Variants in SSBP2 observed in about 807,000 individuals in gnomAD.
The protein encoded by SSBP2 is single stranded DNA binding protein 2.
In SSBP2, 17 loss-of-function variants were observed where a neutral mutation model predicts 61.8. That is an observed-to-expected ratio of 0.28 (90% CI 0.19 to 0.41). SSBP2 has a LOEUF of 0.41. SSBP2 is among the 10% of genes least tolerant of loss of function. SSBP2 has a pLI of 1.00. For missense variants in SSBP2, 310 were observed against 458.7 expected (o/e 0.68, Z 2.96); for synonymous variants, 139 against 141.3 (o/e 0.98, Z 0.12).
At chr5:81,662,557 C>A (rs1750782616) in intron 1 of SSBP2, among the ~76,000 whole-genome samples, 1 of 151,594 alleles carries the variant, frequency 6.6e-6, no homozygotes, top group South Asian at 2.1e-4. Context: ...TAATCCCAAC[C>A]CTTTGGGAGG....
At chr5:81,500,362 C>T (rs1268757167) in intron 5 of SSBP2, among the ~76,000 whole-genome samples, 2 of 151,570 alleles carry the variant, frequency 1.3e-5, no homozygotes, top group African/African-American at 4.9e-5. Context: ...TACAGGCACC[C>T]ACCATCACGC....
At chr5:81,641,641 A>G (rs1326804514) in intron 2 of SSBP2, among the ~76,000 whole-genome samples, 25 of 152,250 alleles carry the variant, frequency 1.6e-4, no homozygotes, top group Admixed American at 1.4e-3. Context: ...AAAGCATAAA[A>G]TGGTGCTCAA....
intron 4 of SSBP2, among the ~76,000 whole-genome samples, chr5:81,540,075 TC>T (rs1352982856): frequency 6.6e-6 from 1 of 152,166 alleles, no homozygotes; most frequent in Non-Finnish European, 1.5e-5. Flanking sequence ...CATGAACTCA[TC>T]CTTTTTTATG....
chr5:81,442,281 T>C (rs895990828), intron 13 of SSBP2, among the ~76,000 whole-genome samples: 1 of 152,038 alleles, frequency 6.6e-6, no homozygotes, highest in African/African-American at 2.4e-5. Flanking sequence ...TATTTTCAAG[T>C]TTATCAGGAC....
chr5:81,520,670 T>C (rs1224296453), intron 4 of SSBP2, among the ~76,000 whole-genome samples: 1 of 152,136 alleles, frequency 6.6e-6, no homozygotes, highest in Non-Finnish European at 1.5e-5. Flanking sequence ...ATGATTGTTA[T>C]AATTTCCCAT....
At chr5:81,580,608 T>C (rs1023625159) in intron 4 of SSBP2, among the ~76,000 whole-genome samples, 6 of 152,176 alleles carry the variant, frequency 3.9e-5, no homozygotes, top group African/African-American at 1.4e-4. Context: ...AGATCATTTC[T>C]GTATGAAAGA....
intron 9 of SSBP2, among the ~76,000 whole-genome samples, chr5:81,466,468 T>G (rs76269705): frequency 0.038 from 5,797 of 152,140 alleles, 206 homozygotes; most frequent in African/African-American, 0.097. Context: ...GAGAGAATTC[T>G]TCCTGTGTTG....
intron 4 of SSBP2, among the ~76,000 whole-genome samples, chr5:81,577,586 T>C (rs185375548): frequency 2.2e-4 from 34 of 152,170 alleles, no homozygotes; most frequent in African/African-American, 5.8e-4. Context: ...GAATGTAGGA[T>C]ATATAGTAAA....
chr5:81,500,270 G>C lies in SSBP2; in HGVS notation c.373-10961C>G, dbSNP rs190221094. 5.0e-3 allele frequency among the ~76,000 whole-genome samples: 764 copies of C among 152,062 alleles called. 7 individuals carry two copies. Among genetic ancestry groups the C allele is most frequent in the African/African-American group, 0.017 (710 of 41,472 alleles). Reference sequence around the variant, plus strand: ...GCTTTGTTGCCCAGGCTGGAGTACAGTGGCGCTATCTCGCCTCACTACAAC... The same window carrying C: ...GCTTTGTTGCCCAGGCTGGAGTACACTGGCGCTATCTCGCCTCACTACAAC... On this transcript the variant is annotated intron_variant, in intron 5 of 16. Coordinates refer to ENST00000320672, the MANE Select transcript of SSBP2 (RefSeq NM_012446.5).
intron 1 of SSBP2, among the ~76,000 whole-genome samples, chr5:81,729,167 A>T (rs908582920): frequency 2.0e-5 from 3 of 152,196 alleles, no homozygotes; most frequent in Non-Finnish European, 4.4e-5. Flanking sequence ...TGGGTTAAAA[A>T]ATAAATATGC....
At position 81,751,049 on chromosome 5, in the gene SSBP2, GC is replaced by G; in HGVS notation, c.-8del. The G allele has an allele frequency of 6.3e-7, 1 of 1,588,704 alleles. No individual in the cohort carries two copies. The highest frequency in any genetic ancestry group is 8.6e-7 in the Non-Finnish European group (1 of 1,167,610). On this transcript the variant is annotated 5_prime_UTR_variant, in exon 1 of 17. Transcript: ENST00000320672. ...TCTTGCCTTTGCCGTACATGCTTGT[GC>G]CGAGAGCAGCTCCCACTGTCACGCA...
At chr5:81,543,750 T>C (rs1014255555) in intron 4 of SSBP2, among the ~76,000 whole-genome samples, 1 of 152,112 alleles carries the variant, frequency 6.6e-6, no homozygotes, top group African/African-American at 2.4e-5. Flanking sequence ...ATAGTAGGCA[T>C]TCAATAATTA....
intron 4 of SSBP2, among the ~76,000 whole-genome samples, chr5:81,537,201 T>TG (rs1250520601): frequency 6.6e-6 from 1 of 152,056 alleles, no homozygotes; most frequent in Non-Finnish European, 1.5e-5. Context: ...TCCAAATTTT[T>TG]GGGGGGGATT....
intron 11 of SSBP2, 134 bp downstream of exon 11, chr5:81,448,656 C>T: frequency 2.5e-6 from 2 of 810,248 alleles, no homozygotes; most frequent in Non-Finnish European, 4.1e-6. Context: ...CTGAGGTTGG[C>T]AGATGAAACA....
chr5:81,517,238 A>G (rs1289829657), intron 4 of SSBP2, among the ~76,000 whole-genome samples: 1 of 152,052 alleles, frequency 6.6e-6, no homozygotes, highest in Non-Finnish European at 1.5e-5. Context: ...TGCAGATATA[A>G]CAATATTATC....
At chr5:81,541,111 T>A (rs1771232895) in intron 4 of SSBP2, among the ~76,000 whole-genome samples, 1 of 152,152 alleles carries the variant, frequency 6.6e-6, no homozygotes, top group South Asian at 2.1e-4. Flanking sequence ...GCAGCATTTC[T>A]ATATACTAAT....
chr5:81,438,328 G>A (rs1762800784), intron 14 of SSBP2, among the ~76,000 whole-genome samples: 1 of 147,670 alleles, frequency 6.8e-6, no homozygotes, highest in Admixed American at 6.7e-5. Flanking sequence ...TCCAGTGTAG[G>A]TGACAGAGTG....
intron 11 of SSBP2, 65 bp downstream of exon 11, chr5:81,448,725 T>A: frequency 6.6e-7 from 1 of 1,506,940 alleles, no homozygotes; most frequent in Middle Eastern, 1.7e-4. Context: ...TCTGGACAAC[T>A]GTTTCATTGC....
intron 10 of SSBP2, among the ~76,000 whole-genome samples, chr5:81,453,147 A>T (rs1186417325): frequency 6.6e-6 from 1 of 151,656 alleles, no homozygotes; most frequent in African/African-American, 2.4e-5. Context: ...ACAAAAAAAA[A>T]ATTAGCCAAG....
Sources: gnomAD v4.1 joint callset for allele counts (sites outside exome capture counted in the v4.1 genomes callset) on GRCh38, gnomAD v4.1.1 for gene constraint, MANE v1.5 for transcripts, NCBI Gene and HGNC (gene_info 2026-07-23, HGNC 2026-07-21) for gene names.